The following ELMOD3 variants were observed in gnomAD, a reference collection of about 807,000 sequenced individuals.
ELMOD3 encodes ELMO domain containing 3, also known as ELMO domain-containing protein 3.
A neutral mutation model predicts 47.4 loss-of-function variants in ELMOD3; 36 were observed. The observed-to-expected ratio is 0.76, with a 90% CI of 0.58 to 1.00. The LOEUF (loss-of-function observed/expected upper bound fraction) is 1.00. Ranked by LOEUF, ELMOD3 falls within the 50% of genes least tolerant of loss-of-function variation. The pLI is 0.00. For missense variants in ELMOD3, 404 were observed against 463.8 expected, an observed-to-expected ratio of 0.87 and a Z score of 1.18; for synonymous variants, 149 against 183.5, an observed-to-expected ratio of 0.81 and a Z score of 1.52.
chr2:85,375,723 T>G (rs1298453355), intron 10 of ELMOD3, among the ~76,000 whole-genome samples: 1 of 152,238 alleles, frequency 6.6e-6, no homozygotes, highest in Non-Finnish European at 1.5e-5. Flanking sequence ...GTCTTATAGT[T>G]TTCTAGTTCA....
rs1377157569 is a variant in ELMOD3, at chr2:85,390,777, A to G, written c.961A>G (p.Lys321Glu). 1 of 1,551,270 alleles carries G rather than the reference A, an allele frequency of 6.4e-7. No homozygotes were observed. Among genetic ancestry groups the G allele is most frequent in the South Asian group, 1.2e-5 (1 of 84,048 alleles). ...FVLKELEVLA[K>E]KSPRRLLKTL... Reference sequence around the variant, plus strand: ...TGTTGCAGAGTTGGAAGTATTGGCCAAGAAGAGCCCACGGCGGCTGCTCAA... The same window carrying G: ...TGTTGCAGAGTTGGAAGTATTGGCCGAGAAGAGCCCACGGCGGCTGCTCAA... Residue 321 changes from lysine (K) to glutamate (E), a missense_variant, in exon 14 of 14, where the codon AAG becomes GAG. By Grantham distance (56) the Lys-to-Glu change is moderately conservative. Coordinates refer to ENST00000409013, the MANE Select transcript of ELMOD3 (RefSeq NM_001135022.2).
chr2:85,386,187 G>A (rs891131046), intron 11 of ELMOD3, among the ~76,000 whole-genome samples: 5 of 152,144 alleles, frequency 3.3e-5, no homozygotes, highest in African/African-American at 4.8e-5. Flanking sequence ...AAGCCCAAAC[G>A]TGAGGCATGA....
intron 5 of ELMOD3, 63 bp downstream of exon 5, chr2:85,362,323 G>A (rs982020695): frequency 7.7e-6 from 8 of 1,034,096 alleles, no homozygotes; most frequent in Non-Finnish European, 1.2e-5. Context: ...ACTGTGTGGT[G>A]CCAGAACTGT....
chr2:85,390,131 C>T lies in ELMOD3; in HGVS notation c.816-7C>T, dbSNP rs750094684. On this transcript the variant is annotated splice_polypyrimidine_tract_variant and splice_region_variant and intron_variant, in intron 12 of 13. Transcript: ENST00000409013. ...GCTGAGCAGGTCACCTTGCCTTTTT[C>T]CTGCAGAGAGTGTAATCGGCAGCAG... 4.3e-6 allele frequency: 7 copies of T among 1,613,178 alleles called. No homozygotes were observed. In the African/African-American group the frequency reaches 8.0e-5, roughly 18 times the overall value.
At chr2:85,382,749 C>G (rs1162404740) in intron 11 of ELMOD3, among the ~76,000 whole-genome samples, 1 of 152,054 alleles carries the variant, frequency 6.6e-6, no homozygotes, top group African/African-American at 2.4e-5. Flanking sequence ...CTCTGGACCT[C>G]AGGTGATCCA....
chr2:85,361,859 AGGT>A (rs1683986446), intron 4 of ELMOD3, among the ~76,000 whole-genome samples: 1 of 151,424 alleles, frequency 6.6e-6, no homozygotes, highest in Non-Finnish European at 1.5e-5. Flanking sequence ...TGAACCTGGG[AGGT>A]GGAGCTTGCA....
At chr2:85,366,160 A>G (rs893377400) in intron 6 of ELMOD3, among the ~76,000 whole-genome samples, 8 of 148,192 alleles carry the variant, frequency 5.4e-5, no homozygotes, top group South Asian at 2.1e-4. Flanking sequence ...TAGTAGAGAC[A>G]GGGTTTCACC....
chr2:85,368,435 G>A (rs999134027), intron 6 of ELMOD3: 20 of 485,720 alleles, frequency 4.1e-5, no homozygotes, highest in African/African-American at 3.9e-4. Flanking sequence ...CCGGGAGTGG[G>A]GGATCACCAG....
intron 4 of ELMOD3, 86 bp from the exon 5 acceptor site, chr2:85,362,100 T>TAA (rs368398168): frequency 1.5e-4 from 112 of 769,006 alleles, no homozygotes; most frequent in East Asian, 4.1e-4. Context: ...ACTTAAAAGT[T>TAA]AAAAAAAAAA....
chr2:85,367,174 C>T (rs1315678971), intron 6 of ELMOD3, among the ~76,000 whole-genome samples: 1 of 152,220 alleles, frequency 6.6e-6, no homozygotes, highest in Non-Finnish European at 1.5e-5. Flanking sequence ...AACCTGCCCT[C>T]ATGTAGCTCA....
chr2:85,361,438 A>G (rs531935980), intron 4 of ELMOD3, among the ~76,000 whole-genome samples: 3 of 152,312 alleles, frequency 2.0e-5, no homozygotes, highest in Non-Finnish European at 2.9e-5. Context: ...TCCAGAGTTC[A>G]TCCTTTTTTT....
chr2:85,358,086 C>T (rs887625167), intron 4 of ELMOD3, among the ~76,000 whole-genome samples: 5 of 151,970 alleles, frequency 3.3e-5, no homozygotes, highest in Admixed American at 2.6e-4. Context: ...TGGAGACCAG[C>T]CTGGCTAACA....
intron 11 of ELMOD3, among the ~76,000 whole-genome samples, chr2:85,387,578 C>T (rs1686017685): frequency 6.7e-6 from 1 of 149,384 alleles, no homozygotes; most frequent in Non-Finnish European, 1.5e-5. Flanking sequence ...AGGAAAATCC[C>T]TTGAACCCAG....
At chr2:85,377,249 C>T (rs1573127094) in intron 10 of ELMOD3, 95 bp from the exon 11 acceptor site, 1 of 1,192,752 alleles carries the variant, frequency 8.4e-7, no homozygotes, top group Non-Finnish European at 1.1e-6. Context: ...GCTCCGCTAG[C>T]CTGGGAAGAG....
At chr2:85,372,174 A>G (rs1684844001) in intron 10 of ELMOD3, 1 of 152,080 alleles carries the variant, frequency 6.6e-6, no homozygotes, top group Admixed American at 6.5e-5. Context: ...GTCTCGGAAA[A>G]AAAATTAAAA....
chr2:85,382,955 CA>C (rs35712533), intron 11 of ELMOD3, among the ~76,000 whole-genome samples: 31,976 of 117,406 alleles, frequency 0.27, 4,461 homozygotes, highest in East Asian at 0.52. Flanking sequence ...AAAAAAAAAA[CA>C]AAAAAAACTC....
At chr2:85,382,521 C>T (rs1573141581) in intron 11 of ELMOD3, among the ~76,000 whole-genome samples, 3 of 143,208 alleles carry the variant, frequency 2.1e-5, no homozygotes, top group Non-Finnish European at 3.0e-5. Flanking sequence ...GTCACAAGGA[C>T]TTTTTTTTTT....
rs1686335358 is a variant in ELMOD3 at position 85,391,239 on chromosome 2, A to G, written c.*277A>G. The G allele has an allele frequency of 2.5e-6, 1 of 407,396 alleles. No homozygotes were observed. The highest frequency in any genetic ancestry group is 4.5e-6 in the Non-Finnish European group (1 of 220,478). 25.2% of individuals were successfully genotyped at this position (407,396 alleles called of 1,614,324 possible). A position where few individuals can be genotyped will look rare whatever the true frequency, so the allele number is the denominator to read the frequency against. Reference sequence around the variant, plus strand: ...CAGTCTCCGGGTTGAATTCCAGTGTATCCCACTGGGAGTGAATGGATCATG... The same window carrying G: ...CAGTCTCCGGGTTGAATTCCAGTGTGTCCCACTGGGAGTGAATGGATCATG... On this transcript the variant is annotated 3_prime_UTR_variant, in exon 14 of 14. Coordinates refer to ENST00000409013, the MANE Select transcript of ELMOD3 (RefSeq NM_001135022.2).
chr2:85,387,138 T>C (rs1685987242), intron 11 of ELMOD3: 1 of 1,299,820 alleles, frequency 7.7e-7, no homozygotes, highest in Admixed American at 2.3e-5. Flanking sequence ...TATGCAAGTA[T>C]ATATGATCAT....
Sources: gnomAD v4.1 joint callset for allele counts (sites outside exome capture counted in the v4.1 genomes callset) on GRCh38, gnomAD v4.1.1 for gene constraint, MANE v1.5 for transcripts, NCBI Gene and HGNC (gene_info 2026-07-23, HGNC 2026-07-21) for gene names.